The following MDFIC2 variants were observed in gnomAD, a reference collection of about 807,000 sequenced individuals.
MDFIC2 encodes myoD family inhibitor domain-containing protein 2.
chr3:70,197,486 G>A (rs6549298), intron 3 of MDFIC2, among the ~76,000 whole-genome samples: 104,947 of 152,100 alleles, frequency 0.69, 37,500 homozygotes, highest in Non-Finnish European at 0.79. Flanking sequence ...GCTCTGGGAA[G>A]CCACACAATT....
At chr3:70,238,062 A>G (rs1302813818) in intron 2 of MDFIC2, among the ~76,000 whole-genome samples, 1 of 131,158 alleles carries the variant, frequency 7.6e-6, no homozygotes, top group Admixed American at 9.2e-5. Flanking sequence ...TGACGAACCT[A>G]TTCTTTATAC....
At chr3:70,246,107 A>C (rs898869150) in intron 2 of MDFIC2, among the ~76,000 whole-genome samples, 15 of 152,072 alleles carry the variant, frequency 9.9e-5, no homozygotes, top group Non-Finnish European at 1.5e-4. Context: ...ATAAAAAAAA[A>C]CCCCACAGAT....
intron 2 of MDFIC2, among the ~76,000 whole-genome samples, chr3:70,283,390 T>C (rs1702108008): frequency 6.6e-6 from 1 of 152,224 alleles, no homozygotes; most frequent in African/African-American, 2.4e-5. Flanking sequence ...GGATGGTTAT[T>C]GTTCAGGCTG....
At chr3:70,265,589 AT>A (rs1321530371) in intron 2 of MDFIC2, among the ~76,000 whole-genome samples, 4 of 152,198 alleles carry the variant, frequency 2.6e-5, no homozygotes, top group Non-Finnish European at 4.4e-5. Context: ...TGCTTCATTA[AT>A]ATTTTTTCAA....
intron 2 of MDFIC2, among the ~76,000 whole-genome samples, chr3:70,222,018 G>A (rs1288093168): frequency 6.6e-6 from 1 of 152,096 alleles, no homozygotes; most frequent in Non-Finnish European, 1.5e-5. Context: ...TTCCATAGGC[G>A]AGTGCTTTGG....
chr3:70,301,304 G>T (rs1024350097), intron 2 of MDFIC2, among the ~76,000 whole-genome samples: 4 of 152,132 alleles, frequency 2.6e-5, no homozygotes, highest in East Asian at 1.9e-4. Context: ...AAGGAATTGG[G>T]TATGTTCATA....
At chr3:70,232,357 A>G (rs568775507) in intron 2 of MDFIC2, among the ~76,000 whole-genome samples, 9 of 152,046 alleles carry the variant, frequency 5.9e-5, no homozygotes, top group Admixed American at 1.3e-4. Flanking sequence ...AATGCCCACA[A>G]TATTCACACC....
intron 2 of MDFIC2, among the ~76,000 whole-genome samples, chr3:70,274,274 T>C (rs1270557538): frequency 6.6e-6 from 1 of 152,118 alleles, no homozygotes; most frequent in Non-Finnish European, 1.5e-5. Flanking sequence ...CAAATTTTAA[T>C]ATTTTAGAGC....
intron 2 of MDFIC2, among the ~76,000 whole-genome samples, chr3:70,220,012 A>AG (rs1198673113): frequency 6.6e-6 from 1 of 152,174 alleles, no homozygotes; most frequent in Non-Finnish European, 1.5e-5. Flanking sequence ...ATTCTAAAAA[A>AG]TATTTTGAAT....
In MDFIC2 at chr3:70,216,158, AT is replaced by A. The variant is rs540266260; in HGVS notation, c.89-9369del. On this transcript the variant is annotated intron_variant, in intron 2 of 3. Coordinates refer to ENST00000567252, the MANE Select transcript of MDFIC2 (RefSeq NM_001364677.1). ...TAGATGTATATGTATATATCTACATATTTATATTTATGCTTTATATTTGCAT... is the reference window on the plus strand; with the variant it reads ...TAGATGTATATGTATATATCTACATATTATATTTATGCTTTATATTTGCAT... Among the ~76,000 whole-genome samples the A allele has an allele frequency of 5.4e-3, 813 of 151,418 alleles. 4 individuals carry two copies. Among genetic ancestry groups the A allele is most frequent in the Non-Finnish European group, 8.6e-3 (581 of 67,854 alleles).
At chr3:70,277,967 T>A (rs1056998987) in intron 2 of MDFIC2, among the ~76,000 whole-genome samples, 1 of 152,256 alleles carries the variant, frequency 6.6e-6, no homozygotes, top group Non-Finnish European at 1.5e-5. Context: ...AGCTACAACT[T>A]ACATAAAATA....
At chr3:70,290,904 C>T (rs1182006293) in intron 2 of MDFIC2, among the ~76,000 whole-genome samples, 1 of 152,174 alleles carries the variant, frequency 6.6e-6, no homozygotes, top group African/African-American at 2.4e-5. Context: ...GGCAATGCCT[C>T]GCCCTGCTTC....
At chr3:70,285,700 C>T (rs1702154391) in intron 2 of MDFIC2, among the ~76,000 whole-genome samples, 1 of 150,106 alleles carries the variant, frequency 6.7e-6, no homozygotes, top group East Asian at 2.0e-4. Flanking sequence ...CCTATTTCTC[C>T]ACATCCTCTC....
chr3:70,298,218 G>A (rs543511117), intron 2 of MDFIC2, among the ~76,000 whole-genome samples: 3 of 152,132 alleles, frequency 2.0e-5, no homozygotes, highest in Admixed American at 6.6e-5. Flanking sequence ...AAAATATATT[G>A]CTGTTTCTTA....
intron 2 of MDFIC2, among the ~76,000 whole-genome samples, chr3:70,252,323 A>G (rs905075512): frequency 2.6e-5 from 4 of 152,168 alleles, no homozygotes; most frequent in African/African-American, 9.7e-5. Context: ...GTGGCGTACA[A>G]TTCTCCCATA....
chr3:70,229,085 C>T (rs1026635739), intron 2 of MDFIC2, among the ~76,000 whole-genome samples: 1 of 152,192 alleles, frequency 6.6e-6, no homozygotes, highest in Non-Finnish European at 1.5e-5. Flanking sequence ...GAACCAATAA[C>T]TGAATTTTGA....
intron 2 of MDFIC2, among the ~76,000 whole-genome samples, chr3:70,260,760 C>T (rs1701858781): frequency 6.6e-6 from 1 of 151,908 alleles, no homozygotes; most frequent in Non-Finnish European, 1.5e-5. Flanking sequence ...GTAATGAACT[C>T]ACTTCTCAAT....
rs1276126848 is a variant in MDFIC2, at chr3:70,283,409, T to C, written c.88+28477A>G. On this transcript the variant is annotated intron_variant, in intron 2 of 3. Coordinates refer to ENST00000567252, the MANE Select transcript of MDFIC2 (RefSeq NM_001364677.1). ...GGTTATTGTTCAGGCTGACGAATAC[T>C]GAAATTCTCCCTGGATACTGTAGAA... Among the ~76,000 whole-genome samples the C allele has an allele frequency of 2.0e-5, 3 of 152,218 alleles. No homozygotes were observed. In the South Asian group the frequency reaches 6.2e-4, roughly 32 times the overall value.
intron 2 of MDFIC2, among the ~76,000 whole-genome samples, chr3:70,303,547 C>A (rs1318009073): frequency 1.3e-5 from 2 of 152,192 alleles, no homozygotes; most frequent in Non-Finnish European, 2.9e-5. Flanking sequence ...GCTACTCTTG[C>A]ATTTTCCAAT....
Sources: gnomAD v4.1 joint callset for allele counts (sites outside exome capture counted in the v4.1 genomes callset) on GRCh38, gnomAD v4.1.1 for gene constraint, MANE v1.5 for transcripts, NCBI Gene and HGNC (gene_info 2026-07-23, HGNC 2026-07-21) for gene names.